ACSM2A: variants seen among roughly 807,000 people sequenced by gnomAD.
ACSM2A encodes the protein acyl-coenzyme A synthetase ACSM2A, mitochondrial.
A neutral mutation model predicts 76.6 loss-of-function variants in ACSM2A; 72 were observed. That is an observed-to-expected ratio of 0.94 (90% CI 0.78 to 1.14). ACSM2A has a LOEUF of 1.14. Ranked by LOEUF, ACSM2A falls within the 50% of genes most tolerant of loss-of-function variation. The pLI is 0.00. For missense variants in ACSM2A, 684 were observed against 708.5 expected (o/e 0.97, Z 0.39); for synonymous variants, 249 against 255.9 (o/e 0.97, Z 0.26).
In ACSM2A at chr16:20,487,538, G is replaced by T. The variant is rs1033303180; in HGVS notation, c.*860G>T. ...TACCACGTTGTTTCACCTGTGTGTG[G>T]CATCTACAGACCTTAGATCATAGCT... is the stretch of plus-strand genomic sequence containing the variant. On this transcript the variant is annotated 3_prime_UTR_variant, in exon 14 of 14. Coordinates refer to ENST00000573854, the MANE Select transcript of ACSM2A (RefSeq NM_001308172.2). The T allele has an allele frequency of 1.3e-5, 2 of 152,194 alleles. No homozygotes were observed. The highest frequency in any genetic ancestry group is 2.9e-5 in the Non-Finnish European group (2 of 68,046). The allele number at this position is 152,194 out of a possible 1,614,324, so 9.4% of individuals were successfully genotyped here.
At chr16:20,458,530 T>G (rs2012347418) in intron 1 of ACSM2A, among the ~76,000 whole-genome samples, 1 of 145,344 alleles carries the variant, frequency 6.9e-6, no homozygotes, top group Admixed American at 7.0e-5. Flanking sequence ...ATGTGTTATA[T>G]ACAATATAAA....
chr16:20,471,201 C>T lies in ACSM2A; in HGVS notation c.725C>T (p.Ala242Val), dbSNP rs1365162262. 2 of 1,610,144 alleles carry T rather than the reference C, an allele frequency of 1.2e-6. No homozygotes were observed. Among genetic ancestry groups the T allele is most frequent in the East Asian group, 2.2e-5 (1 of 44,792 alleles). The change falls in exon 5 of 14, where the codon GCC becomes GTC. Residue 242 changes from alanine to valine, a missense_variant. Physicochemically the swap from Ala to Val is moderately conservative, Grantham distance 64. Transcript: ENST00000573854. Reference protein sequence around the residue: ...EHSYSSLGLKAKMDAGWTGLQ... With the variant: ...EHSYSSLGLKVKMDAGWTGLQ... ...TCCTACTCGAGCCTGGGCCTCAAGG[C>T]CAAGATGGATGCTGGGTAAGCTGAG...
At chr16:20,483,235 A>G in intron 13 of ACSM2A, 58 bp downstream of exon 13, 3 of 1,597,744 alleles carry the variant, frequency 1.9e-6, no homozygotes, top group Middle Eastern at 1.7e-4. Flanking sequence ...TTTTCCTGTT[A>G]TATTTATCTT....
At chr16:20,485,924 T>A (rs541880401) in intron 13 of ACSM2A, among the ~76,000 whole-genome samples, 1 of 152,226 alleles carries the variant, frequency 6.6e-6, no homozygotes, top group Non-Finnish European at 1.5e-5. Flanking sequence ...TTTGGGAATA[T>A]AAGAGATAGA....
intron 13 of ACSM2A, among the ~76,000 whole-genome samples, chr16:20,486,089 C>T (rs749349361): frequency 2.0e-5 from 3 of 152,224 alleles, no homozygotes; most frequent in Non-Finnish European, 4.4e-5. Context: ...CTCAGATTAA[C>T]CCAGATTAAT....
intron 12 of ACSM2A, 82 bp downstream of exon 12, chr16:20,481,003 T>A: frequency 1.3e-6 from 2 of 1,538,592 alleles, no homozygotes; most frequent in Non-Finnish European, 1.8e-6. Flanking sequence ...ACAGGGACTG[T>A]GGGGCTGAAC....
At chr16:20,474,580 C>A (rs1204353097) in intron 6 of ACSM2A, among the ~76,000 whole-genome samples, 3 of 152,116 alleles carry the variant, frequency 2.0e-5, no homozygotes, top group African/African-American at 7.2e-5. Context: ...TCAGTTACAG[C>A]AAAAGAAAAC....
At chr16:20,457,898 A>G (rs538438212) in intron 1 of ACSM2A, among the ~76,000 whole-genome samples, 1 of 152,158 alleles carries the variant, frequency 6.6e-6, no homozygotes, top group East Asian at 1.9e-4. Context: ...TGTTAATATG[A>G]TTGTATACCT....
chr16:20,477,185 G>A, intron 8 of ACSM2A, 184 bp from the exon 9 acceptor site: 1 of 1,106,946 alleles, frequency 9.0e-7, no homozygotes, highest in Non-Finnish European at 1.2e-6. Context: ...TAACAATTTA[G>A]CGAAGCCCCT....
chr16:20,470,770 G>C (rs1009690354), intron 4 of ACSM2A: 6 of 557,908 alleles, frequency 1.1e-5, no homozygotes, highest in African/African-American at 5.6e-5. Context: ...TCATTTCTTT[G>C]GTGGTAGAGA....
At position 20,478,693 on chromosome 16, in the gene ACSM2A, C is replaced by T. The variant is rs139533365; in HGVS notation, c.1281+16C>T. 2,409 of 1,603,454 alleles carry T rather than the reference C, an allele frequency of 1.5e-3. 37 individuals are homozygous for T. The African/African-American group carries it at 0.027, about 18-fold the overall frequency. ...TGGCTATGTGGTGAGAAACTGTGCT[C>T]CTCCTCCTCTGTTCCCCAGTGAGGA... is the stretch of plus-strand genomic sequence containing the variant. On this transcript the variant is annotated intron_variant, in intron 10 of 13. Coordinates refer to ENST00000573854, the MANE Select transcript of ACSM2A (RefSeq NM_001308172.2).
rs772036638 is a variant in ACSM2A at position 20,478,619 on chromosome 16, G to T, written c.1223G>T (p.Gly408Val). Residue 408 changes from glycine to valine, a missense_variant, in exon 10 of 14, where the codon GGA becomes GTA. By Grantham distance (109) the Gly-to-Val change is moderately radical. Around this residue, in one of 3 missense-constraint regions of ACSM2A, gnomAD observed 519 missense variants for 549.5 expected, o/e 0.94. Transcript: ENST00000573854. ...KGNVLPPGTEGDIGIRVKPIR... is the reference protein window; with the variant it reads ...KGNVLPPGTEVDIGIRVKPIR... Reference sequence around the variant, plus strand: ...AACGTCCTGCCCCCCGGCACAGAAGGAGACATTGGCATCAGGGTCAAACCC... The same window carrying T: ...AACGTCCTGCCCCCCGGCACAGAAGTAGACATTGGCATCAGGGTCAAACCC... 1.9e-6 allele frequency: 3 copies of T among 1,613,960 alleles called. No homozygotes were observed. The highest frequency in any genetic ancestry group is 2.5e-6 in the Non-Finnish European group (3 of 1,179,890).
chr16:20,458,149 C>A (rs927092265), intron 1 of ACSM2A, among the ~76,000 whole-genome samples: 6 of 151,296 alleles, frequency 4.0e-5, no homozygotes, highest in African/African-American at 1.5e-4. Context: ...TGAAAGAAAT[C>A]ATAGATGACA....
chr16:20,463,225 G>A (rs2012745480), intron 2 of ACSM2A, among the ~76,000 whole-genome samples: 1 of 150,220 alleles, frequency 6.7e-6, no homozygotes. Flanking sequence ...AAAACTTAAA[G>A]TATAATAATA....
intron 13 of ACSM2A, among the ~76,000 whole-genome samples, chr16:20,484,750 A>T (rs776510026): frequency 2.0e-5 from 3 of 152,038 alleles, no homozygotes; most frequent in Non-Finnish European, 2.9e-5. Flanking sequence ...TGAGGAAGGG[A>T]AGGGGGTCTT....
At chr16:20,480,965 A>G in intron 12 of ACSM2A, 44 bp downstream of exon 12, 1 of 1,611,594 alleles carries the variant, frequency 6.2e-7, no homozygotes, top group African/African-American at 1.3e-5. Flanking sequence ...ATATGAACAC[A>G]AGGGCAGTGT....
Position 20,480,866 on chromosome 16 carries a change from A to T in ACSM2A, c.1454A>T (p.His485Leu). Residue 485 changes from histidine to leucine, a missense_variant, in exon 12 of 14, where the codon CAC becomes CTC. This residue lies in a region of ACSM2A where 159 missense variants were observed against 132.5 expected (regional missense o/e 1.20). Coordinates refer to ENST00000573854, the MANE Select transcript of ACSM2A (RefSeq NM_001308172.2). ...GAGGTAGAGAATGCACTGATGGAGC[A>T]CCCTGCTGTGGTTGAGACGGCTGTG... is the stretch of plus-strand genomic sequence containing the variant. ...PSEVENALME[H>L]PAVVETAVIS... The T allele has an allele frequency of 1.9e-6, 3 of 1,613,872 alleles. No individual in the cohort carries two copies. Among genetic ancestry groups the T allele is most frequent in the Non-Finnish European group, 2.5e-6 (3 of 1,179,840 alleles).
Position 20,465,728 on chromosome 16 carries a change from G to A in ACSM2A, c.388+1G>A. On this transcript the variant is annotated splice_donor_variant, in intron 3 of 13. Transcript: ENST00000573854. LOFTEE classifies it high-confidence loss of function. ...GTGATCCTGGGCTGCATTCGAGCAG[G>A]TTGGTAACTGACTACCTGGACAGAG... 1.2e-6 allele frequency: 2 copies of A among 1,613,168 alleles called. No homozygotes were observed. The highest frequency in any genetic ancestry group is 1.7e-5 in the Admixed American group (1 of 59,988).
chr16:20,457,509 C>T (rs1367314269), intron 1 of ACSM2A, among the ~76,000 whole-genome samples: 10 of 152,144 alleles, frequency 6.6e-5, no homozygotes, highest in East Asian at 1.9e-4. Flanking sequence ...AATGGTTTAA[C>T]GTACACAGGT....
Sources: gnomAD v4.1 joint callset for allele counts (sites outside exome capture counted in the v4.1 genomes callset) on GRCh38, gnomAD v4.1.1 for gene constraint, gnomAD v4.1.1 regional missense constraint, MANE v1.5 for transcripts, NCBI Gene and HGNC (gene_info 2026-07-23, HGNC 2026-07-21) for gene names.